PPFIA2: variants seen among roughly 807,000 people sequenced by gnomAD.
PPFIA2 encodes liprin-alpha-2.
A neutral mutation model predicts 175.5 loss-of-function variants in PPFIA2; 46 were observed. The observed-to-expected ratio is 0.26, with a 90% CI of 0.21 to 0.34. The LOEUF is 0.34. Among genes scored for constraint, PPFIA2 ranks in the 10% least tolerant of loss-of-function variants. The pLI is 1.00. For missense variants in PPFIA2, 1,179 were observed against 1,506.1 expected (o/e 0.78, Z 3.60); for synonymous variants, 568 against 511.4 (o/e 1.11, Z -1.49).
intron 4 of PPFIA2, among the ~76,000 whole-genome samples, chr12:81,529,559 AAGAGAGAG>A (rs60373881): frequency 2.1e-5 from 3 of 145,692 alleles, no homozygotes; most frequent in Non-Finnish European, 3.0e-5. Context: ...GGGCAGTGGA[AAGAGAGAG>A]AGAGAGAGAG....
intron 7 of PPFIA2, among the ~76,000 whole-genome samples, chr12:81,408,876 T>C (rs2142995792): frequency 6.6e-6 from 1 of 152,310 alleles, no homozygotes. Context: ...CAATAACAAA[T>C]TATCCTGGGT....
intron 8 of PPFIA2, among the ~76,000 whole-genome samples, chr12:81,392,149 A>G (rs934711599): frequency 3.9e-5 from 6 of 151,944 alleles, no homozygotes; most frequent in African/African-American, 1.4e-4. Context: ...CCAGGGTAAT[A>G]GGACTAAAGG....
intron 24 of PPFIA2, among the ~76,000 whole-genome samples, chr12:81,293,478 AC>A (rs145005637): frequency 0.025 from 3,840 of 152,186 alleles, 96 homozygotes; most frequent in Admixed American, 0.037. Context: ...AATTACAGAA[AC>A]TTCTTAAGAA....
chr12:81,597,793 G>A (rs2059404582), intron 4 of PPFIA2, among the ~76,000 whole-genome samples: 1 of 151,538 alleles, frequency 6.6e-6, no homozygotes, highest in African/African-American at 2.4e-5. Flanking sequence ...TATACCCACA[G>A]TTTAAAGTAG....
At chr12:81,367,247 T>A (rs117679149) in intron 13 of PPFIA2, 77 bp from the exon 14 acceptor site, 96,676 of 951,556 alleles carry the variant, frequency 0.1, 5,641 homozygotes, top group Middle Eastern at 0.11. Flanking sequence ...TAATATCTTA[T>A]CACTCAAGAA....
At chr12:81,329,871 C>T (rs73354633) in intron 21 of PPFIA2, among the ~76,000 whole-genome samples, 4,965 of 152,268 alleles carry the variant, frequency 0.033, 252 homozygotes, top group African/African-American at 0.11. Context: ...ACCCCGGGTC[C>T]GGGTCTCAGC....
In PPFIA2 at chr12:81,264,379, A is replaced by G. The variant is rs543480220; in HGVS notation, c.3556-989T>C. 1.6e-4 allele frequency among the ~76,000 whole-genome samples: 25 copies of G among 152,314 alleles called. 1 individual carries two copies. In the South Asian group the frequency reaches 5.0e-3, roughly 30 times the overall value. On this transcript the variant is annotated intron_variant, in intron 30 of 32. Coordinates refer to ENST00000549396, the MANE Select transcript of PPFIA2 (RefSeq NM_003625.5). ...GTAGCAATATATAATTCAGCAGTCA[A>G]TGAATATTCTGTGTCTAATTCCAAG... is the stretch of plus-strand genomic sequence containing the variant.
intron 24 of PPFIA2, 37 bp from the exon 25 acceptor site, chr12:81,284,340 T>C (rs377432755): frequency 3.2e-4 from 469 of 1,460,650 alleles, no homozygotes; most frequent in Non-Finnish European, 4.3e-4. Flanking sequence ...GAGGAATCCA[T>C]GGGAGGCAAG....
At chr12:81,691,227 A>AC (rs1315128463) in intron 3 of PPFIA2, among the ~76,000 whole-genome samples, 3 of 152,026 alleles carry the variant, frequency 2.0e-5, no homozygotes, top group Non-Finnish European at 2.9e-5. Flanking sequence ...GGCAGGAGTG[A>AC]CCTCTCCATC....
chr12:81,573,311 T>C (rs769473656), intron 4 of PPFIA2, among the ~76,000 whole-genome samples: 9 of 151,920 alleles, frequency 5.9e-5, no homozygotes, highest in Non-Finnish European at 1.0e-4. Flanking sequence ...ACAGAGTGGG[T>C]ACATAGCTGT....
chr12:81,439,660 G>T (rs1259958318), intron 7 of PPFIA2, among the ~76,000 whole-genome samples: 1 of 152,130 alleles, frequency 6.6e-6, no homozygotes, highest in Non-Finnish European at 1.5e-5. Context: ...TTTGATATGT[G>T]TTCCAATTTT....
chr12:81,329,441 G>C (rs1255331191), intron 21 of PPFIA2, among the ~76,000 whole-genome samples: 4 of 152,144 alleles, frequency 2.6e-5, no homozygotes, highest in Admixed American at 1.3e-4. Context: ...TTGAGGGCAA[G>C]ACCACTCCTA....
chr12:81,453,923 A>C (rs1285656197), intron 5 of PPFIA2, among the ~76,000 whole-genome samples: 5 of 152,188 alleles, frequency 3.3e-5, no homozygotes, highest in Non-Finnish European at 7.3e-5. Context: ...ATTGAATTAC[A>C]AAAATTTAAA....
At chr12:81,548,052 C>T (rs1475447399) in intron 4 of PPFIA2, among the ~76,000 whole-genome samples, 1 of 152,078 alleles carries the variant, frequency 6.6e-6, no homozygotes, top group Non-Finnish European at 1.5e-5. Context: ...ATCAGCTTTC[C>T]AAATAATGGT....
At chr12:81,628,647 G>A (rs2063009670) in intron 4 of PPFIA2, among the ~76,000 whole-genome samples, 1 of 152,122 alleles carries the variant, frequency 6.6e-6, no homozygotes, top group Admixed American at 6.5e-5. Flanking sequence ...CCAAAGTGCT[G>A]GGATTACAGG....
intron 3 of PPFIA2, among the ~76,000 whole-genome samples, chr12:81,743,209 G>C (rs952776635): frequency 6.6e-6 from 1 of 151,758 alleles, no homozygotes; most frequent in East Asian, 1.9e-4. Flanking sequence ...ACGAGGTCAG[G>C]AGATGGAGAT....
chr12:81,387,056 CTG>C (rs1440705226), intron 8 of PPFIA2, among the ~76,000 whole-genome samples: 1 of 151,988 alleles, frequency 6.6e-6, no homozygotes, highest in African/African-American at 2.4e-5. Flanking sequence ...CCATCGACAC[CTG>C]TGTTACAACT....
chr12:81,384,653 A>C lies in PPFIA2; in HGVS notation c.763-409T>G, dbSNP rs140718666. 1.9e-3 allele frequency among the ~76,000 whole-genome samples: 285 copies of C among 152,186 alleles called. 2 individuals carry two copies. The highest frequency in any genetic ancestry group is 6.6e-3 in the East Asian group (34 of 5,172). On this transcript the variant is annotated intron_variant, in intron 8 of 32. Coordinates refer to ENST00000549396, the MANE Select transcript of PPFIA2 (RefSeq NM_003625.5). ...TGGGTAAGGACCTATAAGGTGTACA[A>C]TTTTAAAATTTTTCTTCAAGATCCC... is the stretch of plus-strand genomic sequence containing the variant.
intron 7 of PPFIA2, among the ~76,000 whole-genome samples, chr12:81,426,908 T>C (rs1436138187): frequency 6.6e-6 from 1 of 152,162 alleles, no homozygotes; most frequent in Non-Finnish European, 1.5e-5. Context: ...AAGTCTATAC[T>C]GTGATATAAT....
Sources: gnomAD v4.1 joint callset for allele counts (sites outside exome capture counted in the v4.1 genomes callset) on GRCh38, gnomAD v4.1.1 for gene constraint, MANE v1.5 for transcripts, NCBI Gene and HGNC (gene_info 2026-07-23, HGNC 2026-07-21) for gene names.